Variants in COLGALT2 observed in about 807,000 individuals in gnomAD.
The protein encoded by COLGALT2 is collagen beta(1-O)galactosyltransferase 2, also known as procollagen galactosyltransferase 2.
A neutral mutation model predicts 73.4 loss-of-function variants in COLGALT2; 49 were observed. The observed-to-expected ratio is 0.67, with a 90% CI of 0.53 to 0.85. The LOEUF (loss-of-function observed/expected upper bound fraction) is 0.85. Ranked by LOEUF, COLGALT2 falls within the 40% of genes least tolerant of loss-of-function variation. The pLI is 0.00. For synonymous variants in COLGALT2, 295 were observed against 307.6 expected (o/e 0.96, Z 0.43); for missense variants, 722 against 790.2 (o/e 0.91, Z 1.03).
At chr1:183,954,926 G>A in intron 6 of COLGALT2, 88 bp from the exon 7 acceptor site, 1 of 1,032,632 alleles carries the variant, frequency 9.7e-7, no homozygotes, top group Non-Finnish European at 1.5e-6. Context: ...CTCTAGGGTT[G>A]GAATATAACT....
At chr1:183,957,530 CAT>C (rs896364229) in intron 6 of COLGALT2, among the ~76,000 whole-genome samples, 4 of 152,268 alleles carry the variant, frequency 2.6e-5, no homozygotes, top group African/African-American at 9.6e-5. Flanking sequence ...GAACTTCTTC[CAT>C]TGTTGCAGCC....
chr1:183,943,508 A>G (rs1670169067), intron 10 of COLGALT2, among the ~76,000 whole-genome samples: 2 of 152,128 alleles, frequency 1.3e-5, no homozygotes. Context: ...GAGAGGAAAA[A>G]TGAAAGGGAA....
In COLGALT2 at chr1:183,937,858, C is replaced by T. The variant is rs924578152; in HGVS notation, c.*903G>A. On this transcript the variant is annotated 3_prime_UTR_variant, in exon 12 of 12. Transcript: ENST00000361927. Reference sequence around the variant, plus strand: ...TTAGCAGTGACTCACAGAACTCACACCTGCGGTGGGTTCCCAGGCTAAGGG... The same window carrying T: ...TTAGCAGTGACTCACAGAACTCACATCTGCGGTGGGTTCCCAGGCTAAGGG... 7.1e-6 allele frequency: 7 copies of T among 985,352 alleles called. No homozygotes were observed. In the African/African-American group the frequency reaches 8.7e-5, roughly 12 times the overall value. 61.0% of individuals were successfully genotyped at this position (985,352 alleles called of 1,614,324 possible). A position where few individuals can be genotyped will look rare whatever the true frequency, so the allele number is the denominator to read the frequency against.
chr1:184,014,277 C>CA (rs1340879112), intron 1 of COLGALT2, among the ~76,000 whole-genome samples: 1 of 152,050 alleles, frequency 6.6e-6, no homozygotes, highest in East Asian at 1.9e-4. Context: ...GGGAAGACAG[C>CA]AAGGTAAGAA....
chr1:183,939,346 G>A (rs1352307716), intron 11 of COLGALT2, among the ~76,000 whole-genome samples: 4 of 152,256 alleles, frequency 2.6e-5, no homozygotes, highest in African/African-American at 4.8e-5. Flanking sequence ...AAATAAATAC[G>A]ATCACTTCAC....
downstream of COLGALT2, chr1:183,935,744 A>T: frequency 1.7e-6 from 1 of 588,878 alleles, no homozygotes; most frequent in Non-Finnish European, 2.1e-6. Context: ...GTTCCCCCTG[A>T]CTCTGACATC....
chr1:184,023,385 ATGACAC>A (rs1649232847), intron 1 of COLGALT2, among the ~76,000 whole-genome samples: 1 of 152,150 alleles, frequency 6.6e-6, no homozygotes, highest in South Asian at 2.1e-4. Flanking sequence ...TTTCTATATA[ATGACAC>A]TACTGTGAAG....
At chr1:184,036,584 G>A (rs1045185735) in intron 1 of COLGALT2, among the ~76,000 whole-genome samples, 2 of 152,182 alleles carry the variant, frequency 1.3e-5, no homozygotes, top group African/African-American at 4.8e-5. Context: ...GCAGGAGCCC[G>A]GCACCGGAAA....
chr1:183,977,363 C>T (rs879307407), intron 2 of COLGALT2, among the ~76,000 whole-genome samples: 21 of 151,190 alleles, frequency 1.4e-4, no homozygotes, highest in Non-Finnish European at 1.9e-4. Context: ...CCCAGCTACT[C>T]GGGAGGCTGA....
chr1:183,958,834 T>C lies in COLGALT2; in HGVS notation c.953-3996A>G, dbSNP rs796194016. Among the ~76,000 whole-genome samples, 5 of 151,674 alleles carry C rather than the reference T, an allele frequency of 3.3e-5. 1 individual carries two copies. Among genetic ancestry groups the C allele is most frequent in the African/African-American group, 1.2e-4 (5 of 41,272 alleles). ...ATATACTGGATCCTTGTGACTGGCA[T>C]AAAACATACTGTTATATTTCTATTT... is the stretch of plus-strand genomic sequence containing the variant. On this transcript the variant is annotated intron_variant, in intron 6 of 11. Coordinates refer to ENST00000361927, the MANE Select transcript of COLGALT2 (RefSeq NM_015101.4).
At chr1:184,003,882 A>T (rs1214012761) in intron 1 of COLGALT2, among the ~76,000 whole-genome samples, 1 of 152,186 alleles carries the variant, frequency 6.6e-6, no homozygotes, top group African/African-American at 2.4e-5. Flanking sequence ...GAAAGCCCAA[A>T]TCCCCACTGA....
chr1:183,987,008 C>T (rs1024487161), intron 1 of COLGALT2, among the ~76,000 whole-genome samples: 2 of 152,018 alleles, frequency 1.3e-5, no homozygotes, highest in Non-Finnish European at 2.9e-5. Flanking sequence ...TCAATATGAC[C>T]AATATGATCA....
chr1:184,011,486 G>A (rs1648784331), intron 1 of COLGALT2, among the ~76,000 whole-genome samples: 1 of 152,034 alleles, frequency 6.6e-6, no homozygotes, highest in South Asian at 2.1e-4. Context: ...CCTTTTCCTT[G>A]TTTACTGCCA....
chr1:183,932,561 A>C (rs1434423338), downstream of COLGALT2, among the ~76,000 whole-genome samples: 4 of 152,120 alleles, frequency 2.6e-5, no homozygotes, highest in Non-Finnish European at 1.5e-5. Flanking sequence ...CGAAAAGCTA[A>C]GCCTGCTTGC....
At chr1:184,034,620 G>A (rs1344794412) in intron 1 of COLGALT2, among the ~76,000 whole-genome samples, 2 of 152,154 alleles carry the variant, frequency 1.3e-5, no homozygotes, top group Non-Finnish European at 2.9e-5. Context: ...GAATATGCTT[G>A]TACAGCCTCT....
At chr1:183,934,246 A>ATTT (rs1669903173), downstream of COLGALT2, among the ~76,000 whole-genome samples, 1 of 152,166 alleles carries the variant, frequency 6.6e-6, no homozygotes, top group African/African-American at 2.4e-5. Context: ...TTTTCACGTA[A>ATTT]TCTTTTGTAA....
chr1:183,972,584 C>A (rs1250523189), intron 4 of COLGALT2, among the ~76,000 whole-genome samples: 2 of 104,076 alleles, frequency 1.9e-5, no homozygotes, highest in Non-Finnish European at 4.2e-5. Flanking sequence ...AAAAATCAAA[C>A]CTTTTTTAAC....
chr1:184,037,646 C>T lies in COLGALT2; in HGVS notation c.-289G>A, dbSNP rs1460731919. The T allele has an allele frequency of 9.6e-7, 1 of 1,038,866 alleles. No individual in the cohort carries two copies. The highest frequency in any genetic ancestry group is 1.2e-6 in the Non-Finnish European group (1 of 865,344). 64.4% of individuals were successfully genotyped at this position (1,038,866 alleles called of 1,614,324 possible). On this transcript the variant is annotated 5_prime_UTR_variant, in exon 1 of 12. Coordinates refer to ENST00000361927, the MANE Select transcript of COLGALT2 (RefSeq NM_015101.4). ...CAGTAGTGGCCGAGGGGCTGTGTGC[C>T]CTGAGTCCTGAGGAAAGTTCCTCTA...
At chr1:183,969,890 C>G (rs549781280) in intron 4 of COLGALT2, among the ~76,000 whole-genome samples, 1 of 152,294 alleles carries the variant, frequency 6.6e-6, no homozygotes, top group South Asian at 2.1e-4. Context: ...AGTGACTCAA[C>G]CTTGCTGCGC....
Sources: gnomAD v4.1 joint callset for allele counts (sites outside exome capture counted in the v4.1 genomes callset) on GRCh38, gnomAD v4.1.1 for gene constraint, MANE v1.5 for transcripts, NCBI Gene and HGNC (gene_info 2026-07-23, HGNC 2026-07-21) for gene names.